EHD3: variants seen among roughly 807,000 people sequenced by gnomAD.
EHD3 encodes the protein EH domain containing 3.
In EHD3, 17 loss-of-function variants were observed where a neutral mutation model predicts 43.0. The ratio of observed to expected loss-of-function variants is 0.40; its 90% confidence interval spans 0.27 to 0.59. EHD3 has a LOEUF of 0.59. Ranked by LOEUF, EHD3 falls within the 20% of genes least tolerant of loss-of-function variation. The probability of loss-of-function intolerance (pLI) is 0.49; values close to 1 mark genes in which losing one functional copy is unlikely to be tolerated. For missense variants in EHD3, 594 were observed against 705.6 expected (o/e 0.84, Z 1.79); for synonymous variants, 313 against 289.5 (o/e 1.08, Z -0.82).
rs750945058 is a variant in EHD3, at chr2:31,260,734, A to G, written c.727A>G (p.Ile243Val). ...YGALMWSLGK[I>V]VNTPEVIRVY... Reference sequence around the variant, plus strand: ...GGCCCTCATGTGGTCCTTGGGGAAGATCGTGAACACCCCAGAGGTGATCCG... The same window carrying G: ...GGCCCTCATGTGGTCCTTGGGGAAGGTCGTGAACACCCCAGAGGTGATCCG... The change falls in exon 4 of 6, where the codon ATC becomes GTC. Residue 243 changes from isoleucine to valine, a missense_variant. Ile to Val is a conservative substitution (Grantham distance 29). Coordinates refer to ENST00000322054, the MANE Select transcript of EHD3 (RefSeq NM_014600.3). The surrounding 1 kb of genome is among the most constrained non-coding windows in gnomAD (Gnocchi z 4.6). 1.2e-6 allele frequency: 2 copies of G among 1,614,170 alleles called. No homozygotes were observed. Among genetic ancestry groups the G allele is most frequent in the South Asian group, 2.2e-5 (2 of 91,084 alleles).
intron 1 of EHD3, among the ~76,000 whole-genome samples, chr2:31,237,984 T>C (rs181574530): frequency 1.3e-4 from 20 of 152,266 alleles, no homozygotes; most frequent in African/African-American, 4.3e-4. Context: ...CTATATTGTG[T>C]GTGTGTGTTT....
intron 2 of EHD3, among the ~76,000 whole-genome samples, chr2:31,245,213 T>C (rs1683494618): frequency 6.6e-6 from 1 of 152,228 alleles, no homozygotes; most frequent in African/African-American, 2.4e-5. Context: ...GGGCTTTGCC[T>C]TCAGATAGAC....
Position 31,234,200 on chromosome 2 carries a change from C to A in EHD3, c.-422C>A, listed in dbSNP as rs1037110133. On this transcript the variant is annotated 5_prime_UTR_variant, in exon 1 of 6. Transcript: ENST00000322054. ...CGCGGGCTGGGCAGCGTCGCCGTCTCCCCTGAGCCGCCTCGGTCCGGCAGG... is the reference window on the plus strand; with the variant it reads ...CGCGGGCTGGGCAGCGTCGCCGTCTACCCTGAGCCGCCTCGGTCCGGCAGG... 2.0e-5 allele frequency: 5 copies of A among 248,514 alleles called. No individual in the cohort carries two copies. The East Asian group carries it at 3.8e-4, about 19-fold the overall frequency. The allele number at this position is 248,514 out of a possible 1,614,324, so 15.4% of individuals were successfully genotyped here.
intron 3 of EHD3, among the ~76,000 whole-genome samples, chr2:31,255,131 C>T (rs1370742517): frequency 3.3e-5 from 5 of 152,226 alleles, no homozygotes; most frequent in Non-Finnish European, 7.3e-5. Flanking sequence ...TGCCCAGTCT[C>T]CAGGCCCGGA....
chr2:31,252,052 C>T (rs962475408), intron 3 of EHD3, among the ~76,000 whole-genome samples: 17 of 152,190 alleles, frequency 1.1e-4, no homozygotes, highest in South Asian at 2.1e-4. Flanking sequence ...GCCTGACCAG[C>T]GGGTCCAGAG....
chr2:31,234,753 G>T lies in EHD3; in HGVS notation c.132G>T (p.Glu44Asp), dbSNP rs139860099. 9 of 1,614,232 alleles carry T rather than the reference G, an allele frequency of 5.6e-6. No homozygotes were observed. In the African/African-American group the frequency reaches 1.1e-4, roughly 19 times the overall value. The change falls in exon 1 of 6, where the codon GAG (glutamate) becomes GAT (aspartate). Residue 44 changes from glutamate (E) to aspartate (D), a missense_variant. Physicochemically the swap from Glu to Asp is conservative, Grantham distance 45. Transcript: ENST00000322054. ...LPLEEHYRFH[E>D]FHSPALEDAD... ...TGGAAGAGCATTACCGCTTCCACGA[G>T]TTCCACTCGCCCGCCCTGGAGGATG...
Position 31,266,644 on chromosome 2 carries a change from G to A in EHD3, c.1548G>A (p.Glu516=), listed in dbSNP as rs749199744. Residue 516 remains glutamate, a synonymous_variant, in exon 6 of 6, where the codon GAG becomes GAA. Transcript: ENST00000322054. This position sits in a 1 kb window ranked among gnomAD's most constrained non-coding sequence, Gnocchi z 5.1. ...HLIKVKLEGH[E]LPNELPAHLL... ...TCAAAGTCAAGCTGGAGGGGCACGA[G>A]CTGCCCAACGAGCTGCCTGCCCACC... 1.1e-5 allele frequency: 17 copies of A among 1,613,454 alleles called. No homozygotes were observed. The highest frequency in any genetic ancestry group is 8.3e-5 in the Admixed American group (5 of 59,984).
chr2:31,245,384 GGTTA>G (rs1476459773), intron 2 of EHD3, among the ~76,000 whole-genome samples: 3 of 151,724 alleles, frequency 2.0e-5, no homozygotes, highest in African/African-American at 4.8e-5. Context: ...GTAACCAACA[GGTTA>G]GTTAGTGATA....
chr2:31,258,620 G>A lies in EHD3; in HGVS notation c.503-1890G>A, dbSNP rs72861151. Among the ~76,000 whole-genome samples, 680 of 152,292 alleles carry A rather than the reference G, an allele frequency of 4.5e-3. 9 individuals carry two copies. Among genetic ancestry groups the A allele is most frequent in the South Asian group, 0.029 (138 of 4,826 alleles). On this transcript the variant is annotated intron_variant, in intron 3 of 5. Transcript: ENST00000322054. ...CTTAGACAAGTTCCTTTATCTGTTT[G>A]TATCTCTGGTTACTCCTCAGAGAAG... is the stretch of plus-strand genomic sequence containing the variant.
chr2:31,246,301 C>T (rs1029716344), intron 2 of EHD3, among the ~76,000 whole-genome samples: 1 of 151,934 alleles, frequency 6.6e-6, no homozygotes, highest in African/African-American at 2.4e-5. Context: ...GAGAATGAGT[C>T]GCTGGAGCTG....
chr2:31,257,326 G>A (rs891019948), intron 3 of EHD3, among the ~76,000 whole-genome samples: 2 of 152,232 alleles, frequency 1.3e-5, no homozygotes, highest in African/African-American at 4.8e-5. Flanking sequence ...CCTGGGAAGG[G>A]AAGGATGGAC....
At position 31,266,727 on chromosome 2, in the gene EHD3, G is replaced by A. The variant is rs746607553; in HGVS notation, c.*23G>A. On this transcript the variant is annotated 3_prime_UTR_variant, in exon 6 of 6. Coordinates refer to ENST00000322054, the MANE Select transcript of EHD3 (RefSeq NM_014600.3). The surrounding 1 kb of genome is among the most constrained non-coding windows in gnomAD (Gnocchi z 5.1). ...TGATGGGGTGGGGGGACATTCAGAC[G>A]GGCAGTGTTAGAGGAGGAGATGGGA... 12 of 1,571,280 alleles carry A rather than the reference G, an allele frequency of 7.6e-6. No homozygotes were observed. The highest frequency in any genetic ancestry group is 2.2e-5 in the East Asian group (1 of 44,526).
At position 31,266,625 on chromosome 2, in the gene EHD3, T is replaced by A; in HGVS notation, c.1529T>A (p.Val510Asp). 6.2e-7 allele frequency: 1 copy of A among 1,613,842 alleles called. No homozygotes were observed. Among genetic ancestry groups the A allele is most frequent in the Non-Finnish European group, 8.5e-7 (1 of 1,179,964 alleles). The stretch of plus-strand genomic sequence containing the variant: ...GCACTGGCCAACCACCTCATCAAAG[T>A]CAAGCTGGAGGGGCACGAGCTGCCC... ...EFALANHLIK[V>D]KLEGHELPNE... Residue 510 changes from valine to aspartate, a missense_variant, in exon 6 of 6, where the codon GTC (valine) becomes GAC (aspartate). By Grantham distance (152) the Val-to-Asp change is radical. This residue lies in a region of EHD3 where 322 missense variants were observed against 348.0 expected (regional missense o/e 0.93). Coordinates refer to ENST00000322054, the MANE Select transcript of EHD3 (RefSeq NM_014600.3). This position sits in a 1 kb window ranked among gnomAD's most constrained non-coding sequence, Gnocchi z 5.1.
chr2:31,268,490 T>G lies in EHD3; in HGVS notation c.*1786T>G, dbSNP rs1387852994. 6.6e-6 allele frequency: 1 copy of G among 152,282 alleles called. No homozygotes were observed. Among genetic ancestry groups the G allele is most frequent in the Non-Finnish European group, 1.5e-5 (1 of 68,062 alleles). 9.4% of individuals were successfully genotyped at this position (152,282 alleles called of 1,614,324 possible). A position where few individuals can be genotyped will look rare whatever the true frequency, so the allele number is the denominator to read the frequency against. On this transcript the variant is annotated 3_prime_UTR_variant, in exon 6 of 6. Coordinates refer to ENST00000322054, the MANE Select transcript of EHD3 (RefSeq NM_014600.3). ...GGTGAAATCTTTGGCTGGAAAGGGC[T>G]CACTGGGGCCACCCAATGGCCAGCA... is the stretch of plus-strand genomic sequence containing the variant.
intron 3 of EHD3, among the ~76,000 whole-genome samples, chr2:31,258,509 C>G (rs1683794562): frequency 6.6e-6 from 1 of 152,166 alleles, no homozygotes; most frequent in Admixed American, 6.5e-5. Flanking sequence ...AAGTGAAAGC[C>G]AACTCGGTGC....
chr2:31,239,958 C>T (rs1558646448), intron 1 of EHD3, among the ~76,000 whole-genome samples: 1 of 152,042 alleles, frequency 6.6e-6, no homozygotes, highest in Non-Finnish European at 1.5e-5. Context: ...GGGACGGTGC[C>T]GGGTAGTGCC....
Position 31,261,018 on chromosome 2 carries a change from G to A in EHD3, c.915+96G>A, listed in dbSNP as rs895142152. On this transcript the variant is annotated intron_variant, in intron 4 of 5. Transcript: ENST00000322054. ...AGGGTTGCTGCCTCCAACAGCCAGT[G>A]CATCATGTGTGTGACACCAAGGGGC... 23 of 1,404,878 alleles carry A rather than the reference G, an allele frequency of 1.6e-5. No individual in the cohort carries two copies. The Admixed American group carries it at 2.1e-4, about 13-fold the overall frequency. 87.0% of individuals were successfully genotyped at this position (1,404,878 alleles called of 1,614,324 possible).
At chr2:31,265,347 T>C (rs1683930108) in intron 5 of EHD3, among the ~76,000 whole-genome samples, 1 of 152,156 alleles carries the variant, frequency 6.6e-6, no homozygotes, top group South Asian at 2.1e-4. Flanking sequence ...GCACAGTAGG[T>C]TTGTTTACAC....
chr2:31,263,499 G>A (rs929847871), intron 5 of EHD3, among the ~76,000 whole-genome samples: 5 of 152,108 alleles, frequency 3.3e-5, no homozygotes, highest in African/African-American at 9.7e-5. Flanking sequence ...GTTGATACTG[G>A]GACCCCTGCA....
Sources: gnomAD v4.1 joint callset for allele counts (sites outside exome capture counted in the v4.1 genomes callset) on GRCh38, gnomAD v4.1.1 for gene constraint, gnomAD v4.1.1 regional missense constraint, Gnocchi (gnomAD v3.1) non-coding constraint, MANE v1.5 for transcripts, NCBI Gene and HGNC (gene_info 2026-07-23, HGNC 2026-07-21) for gene names.